SCAP: variants seen among roughly 807,000 people sequenced by gnomAD.
The protein encoded by SCAP is sterol regulatory element-binding protein cleavage-activating protein.
SCAP carries 65 observed loss-of-function variants against 123.6 expected under a neutral mutation model. The ratio of observed to expected loss-of-function variants is 0.53; its 90% confidence interval spans 0.43 to 0.65. The LOEUF (loss-of-function observed/expected upper bound fraction) is 0.65, where lower values mean the gene tolerates loss of function less well. SCAP is among the 30% of genes least tolerant of loss of function. SCAP has a pLI of 0.00. For synonymous variants in SCAP, 740 were observed against 726.3 expected, an observed-to-expected ratio of 1.02 and a Z score of -0.30; for missense variants, 1,398 against 1,712.5, an observed-to-expected ratio of 0.82 and a Z score of 3.24.
Position 47,420,836 on chromosome 3 carries a change from T to G in SCAP, c.1345-64A>C. On this transcript the variant is annotated intron_variant, in intron 11 of 22. Transcript: ENST00000265565. The surrounding 1 kb of genome is among the most constrained non-coding windows in gnomAD (Gnocchi z 5.0). ...CCAGAGGCTGCTCGCACAGGACCGC[T>G]GTCCTGCCCGAGGTCTACACCCTTC... 1 of 1,474,980 alleles carries G rather than the reference T, an allele frequency of 6.8e-7. No individual in the cohort carries two copies. Among genetic ancestry groups the G allele is most frequent in the South Asian group, 1.3e-5 (1 of 74,208 alleles). 91.4% of individuals were successfully genotyped at this position (1,474,980 alleles called of 1,614,324 possible).
chr3:47,427,064 G>A (rs1197021232), intron 6 of SCAP, 93 bp downstream of exon 6: 2 of 842,414 alleles, frequency 2.4e-6, no homozygotes, highest in Admixed American at 4.2e-5. Context: ...GTTTCCAGGG[G>A]GCATTCAGAA....
Position 47,418,395 on chromosome 3 carries a change from G to A in SCAP, c.2257C>T (p.Leu753=). The part of the protein sequence containing the change: ...GGPGRRRRGE[L]PCDDYGYAPP... ...GCATAGCCGTAGTCGTCGCAGGGCA[G>A]CTCCCCGCGCCTCCGCCGCCCGGGC... is the stretch of plus-strand genomic sequence containing the variant. The change falls in exon 15 of 23, where the codon CTG becomes TTG. Residue 753 remains leucine, a synonymous_variant. Coordinates refer to ENST00000265565, the MANE Select transcript of SCAP (RefSeq NM_012235.4). 6.3e-7 allele frequency: 1 copy of A among 1,575,092 alleles called. No individual in the cohort carries two copies. Among genetic ancestry groups the A allele is most frequent in the Non-Finnish European group, 8.6e-7 (1 of 1,164,176 alleles).
At chr3:47,475,647 G>C (rs1708240885) in intron 1 of SCAP, 152 bp downstream of exon 1, 1 of 152,280 alleles carries the variant, frequency 6.6e-6, no homozygotes, top group Admixed American at 6.5e-5. Context: ...GCCGGCCTGC[G>C]GTCTCCAGGG....
intron 3 of SCAP, 48 bp from the exon 4 acceptor site, chr3:47,428,718 G>C: frequency 6.3e-7 from 1 of 1,596,376 alleles, no homozygotes; most frequent in South Asian, 1.1e-5. Context: ...AGCACAGGAA[G>C]AAGAAAGACG....
rs867462187 is a variant in SCAP at position 47,419,111 on chromosome 3, A to C, written c.1940+217T>G. ...CTCCTGGCACAGGTGGGTGGGTCTC[A>C]TTCTGGTGAGGGCTGGCAGCCACCA... is the stretch of plus-strand genomic sequence containing the variant. On this transcript the variant is annotated intron_variant, in intron 13 of 22. Coordinates refer to ENST00000265565, the MANE Select transcript of SCAP (RefSeq NM_012235.4). This position sits in a 1 kb window ranked among gnomAD's most constrained non-coding sequence, Gnocchi z 5.0. Among the ~76,000 whole-genome samples the C allele has an allele frequency of 6.6e-6, 1 of 152,144 alleles. No individual in the cohort carries two copies. Among genetic ancestry groups the C allele is most frequent in the Non-Finnish European group, 1.5e-5 (1 of 68,012 alleles).
At chr3:47,460,644 C>G (rs1021947790) in intron 1 of SCAP, among the ~76,000 whole-genome samples, 2 of 152,058 alleles carry the variant, frequency 1.3e-5, no homozygotes, top group African/African-American at 2.4e-5. Flanking sequence ...CCTCTGCCCC[C>G]GCCCCCAGGT....
chr3:47,441,871 TTTC>T (rs1347399642), intron 2 of SCAP, among the ~76,000 whole-genome samples: 1 of 139,458 alleles, frequency 7.2e-6, no homozygotes, highest in Non-Finnish European at 1.5e-5. Flanking sequence ...GATGTTCATC[TTTC>T]TTTTTTTTTT....
chr3:47,444,608 G>T (rs1706952327), intron 1 of SCAP, among the ~76,000 whole-genome samples: 1 of 151,876 alleles, frequency 6.6e-6, no homozygotes. Flanking sequence ...CAAGTAGCTG[G>T]GATTACAGGT....
At chr3:47,443,463 C>G (rs4858894) in intron 1 of SCAP, among the ~76,000 whole-genome samples, 75,270 of 151,894 alleles carry the variant, frequency 0.5, 20,279 homozygotes, top group Non-Finnish European at 0.6. Flanking sequence ...TCTTCCCCCC[C>G]CTCCTCTATG....
At chr3:47,416,615 C>CTTTTTTTT (rs3077503) in intron 18 of SCAP, among the ~76,000 whole-genome samples, 1 of 70,186 alleles carries the variant, frequency 1.4e-5, no homozygotes, top group Non-Finnish European at 2.6e-5. Context: ...ACCCCTAACG[C>CTTTTTTTT]TTTTTTTTTT....
chr3:47,414,409 T>C, intron 21 of SCAP, 23 bp from the exon 22 acceptor site: 2 of 1,611,202 alleles, frequency 1.2e-6, no homozygotes, highest in Non-Finnish European at 1.7e-6. Context: ...GCCAGGGGAG[T>C]GGGGTCACCA....
chr3:47,473,162 C>T (rs1219535554), intron 1 of SCAP, among the ~76,000 whole-genome samples: 1 of 149,518 alleles, frequency 6.7e-6, no homozygotes, highest in Non-Finnish European at 1.5e-5. Flanking sequence ...AGCCAAATCT[C>T]AGTTTGCACA....
intron 3 of SCAP, chr3:47,428,947 T>C (rs1706252258): frequency 1.5e-5 from 5 of 336,526 alleles, no homozygotes; most frequent in Non-Finnish European, 2.2e-5. Context: ...AGCTTGCCGA[T>C]GTCACAGCCT....
intron 1 of SCAP, among the ~76,000 whole-genome samples, chr3:47,465,614 T>G (rs1188883593): frequency 6.6e-6 from 1 of 151,570 alleles, no homozygotes; most frequent in Non-Finnish European, 1.5e-5. Flanking sequence ...ACAAAAAATT[T>G]TTTAATTAGC....
intron 2 of SCAP, 118 bp downstream of exon 2, chr3:47,442,754 C>T (rs1706854837): frequency 1.2e-6 from 1 of 851,382 alleles, no homozygotes. Context: ...TATAAGGAGC[C>T]CAAGCTCCCA....
At chr3:47,428,346 T>G (rs1013179299) in intron 4 of SCAP, among the ~76,000 whole-genome samples, 167 bp downstream of exon 4, 2 of 152,148 alleles carry the variant, frequency 1.3e-5, no homozygotes, top group African/African-American at 4.8e-5. Flanking sequence ...GCAGCCACCG[T>G]AGACCCACAA....
intron 1 of SCAP, among the ~76,000 whole-genome samples, chr3:47,463,690 A>T (rs1001203564): frequency 1.3e-5 from 2 of 152,162 alleles, no homozygotes; most frequent in Non-Finnish European, 2.9e-5. Context: ...TAAGTGACAA[A>T]GTGAGACTGT....
rs776070178 is a variant in SCAP at position 47,442,934 on chromosome 3, G to A, written c.60C>T (p.Leu20=). The change falls in exon 2 of 23, where the codon CTC becomes CTT. Residue 20 remains leucine (L), a synonymous_variant. Coordinates refer to ENST00000265565, the MANE Select transcript of SCAP (RefSeq NM_012235.4). The part of the protein sequence containing the change: ...KISRAFYNHG[L]LCASYPIPII... Reference sequence around the variant, plus strand: ...TGGGGATGGGATAGGATGCACAGAGGAGCCCATGGTTGTAGAAGGCCCGAG... The same window carrying A: ...TGGGGATGGGATAGGATGCACAGAGAAGCCCATGGTTGTAGAAGGCCCGAG... The A allele has an allele frequency of 1.2e-6, 2 of 1,614,134 alleles. No individual in the cohort carries two copies. The highest frequency in any genetic ancestry group is 1.7e-6 in the Non-Finnish European group (2 of 1,180,024).
intron 1 of SCAP, among the ~76,000 whole-genome samples, chr3:47,456,637 C>T (rs566737515): frequency 1.3e-5 from 2 of 151,424 alleles, no homozygotes; most frequent in South Asian, 2.1e-4. Flanking sequence ...TGGTGGTACA[C>T]GCCTGTAGTC....
Sources: allele counts gnomAD v4.1 joint callset (sites outside exome capture counted in the v4.1 genomes callset), GRCh38; gene constraint gnomAD v4.1.1; non-coding constraint Gnocchi (gnomAD v3.1); transcripts MANE v1.5; gene names NCBI Gene and HGNC (gene_info 2026-07-23, HGNC 2026-07-21).